Variants in ATP10D observed in about 807,000 individuals in gnomAD.
ATP10D encodes phospholipid-transporting ATPase VD.
In ATP10D, 89 loss-of-function variants were observed where a neutral mutation model predicts 144.8. The ratio of observed to expected loss-of-function variants is 0.61; its 90% CI spans 0.52 to 0.73. The LOEUF is 0.73. Ranked by LOEUF, ATP10D falls within the 30% of genes least tolerant of loss-of-function variation. The probability of loss-of-function intolerance (pLI) is 0.00; values close to 1 mark genes in which losing one functional copy is unlikely to be tolerated. For synonymous variants in ATP10D, 571 were observed against 615.1 expected (o/e 0.93, Z 1.06); for missense variants, 1,603 against 1,714.8 (o/e 0.93, Z 1.15).
intron 13 of ATP10D, 67 bp downstream of exon 13, chr4:47,559,096 C>T (rs1264500502): frequency 5.6e-6 from 7 of 1,260,314 alleles, no homozygotes; most frequent in Non-Finnish European, 8.1e-6. Context: ...TGACTGAAAA[C>T]CAGCGTGTAG....
chr4:47,523,009 C>T lies in ATP10D; in HGVS notation c.486-3C>T. On this transcript the variant is annotated splice_polypyrimidine_tract_variant and splice_region_variant and intron_variant, in intron 3 of 22. Coordinates refer to ENST00000273859, the MANE Select transcript of ATP10D (RefSeq NM_020453.4). ...TTTTTTTTTAACTTTTTTTTAATTA[C>T]AGGAAAGAGAAAAAATACATTGACC... The T allele has an allele frequency of 6.3e-7, 1 of 1,589,304 alleles. No individual in the cohort carries two copies. Among genetic ancestry groups the T allele is most frequent in the Non-Finnish European group, 8.6e-7 (1 of 1,165,232 alleles).
intron 21 of ATP10D, among the ~76,000 whole-genome samples, chr4:47,585,290 A>G (rs184965132): frequency 6.6e-6 from 1 of 151,978 alleles, no homozygotes; most frequent in African/African-American, 2.4e-5. Flanking sequence ...TTTTGCACCA[A>G]CCTCATACAT....
intron 1 of ATP10D, among the ~76,000 whole-genome samples, chr4:47,495,877 A>G (rs1715336563): frequency 6.6e-6 from 1 of 151,940 alleles, no homozygotes; most frequent in Non-Finnish European, 1.5e-5. Context: ...AGCTGGGATT[A>G]CCGGCATGCG....
rs527403658 is a variant in ATP10D at position 47,561,543 on chromosome 4, C to G, written c.2668+468C>G. 3.2e-3 allele frequency among the ~76,000 whole-genome samples: 480 copies of G among 152,252 alleles called. 1 individual carries two copies. Among genetic ancestry groups the G allele is most frequent in the Non-Finnish European group, 5.4e-3 (367 of 68,030 alleles). The stretch of plus-strand genomic sequence containing the variant: ...GTCACATGCCAGTAGCTGACAGTTA[C>G]TCATTAACCAAACATGGAGCTCATG... On this transcript the variant is annotated intron_variant, in intron 14 of 22. Transcript: ENST00000273859.
At chr4:47,549,664 G>T (rs1049257735) in intron 10 of ATP10D, among the ~76,000 whole-genome samples, 1 of 152,222 alleles carries the variant, frequency 6.6e-6, no homozygotes, top group African/African-American at 2.4e-5. Flanking sequence ...TTATAAACCT[G>T]TATTAAAGAT....
rs78242901 is a variant in ATP10D, at chr4:47,587,356, C to T, written c.3941+150C>T. 616 of 721,352 alleles carry T rather than the reference C, an allele frequency of 8.5e-4. 4 individuals are homozygous for T. In the African/African-American group the frequency reaches 9.2e-3, roughly 11 times the overall value. 44.7% of individuals were successfully genotyped at this position (721,352 alleles called of 1,614,324 possible). On this transcript the variant is annotated intron_variant, in intron 22 of 22. Coordinates refer to ENST00000273859, the MANE Select transcript of ATP10D (RefSeq NM_020453.4). ...TCCTAGTTAAAATATTGGTTTTTAA[C>T]TCTTTTATCAGAGAACAAAAGTGGC...
intron 10 of ATP10D, among the ~76,000 whole-genome samples, chr4:47,554,192 T>C (rs1386523184): frequency 2.6e-5 from 4 of 152,216 alleles, no homozygotes; most frequent in African/African-American, 9.6e-5. Context: ...CTTATTAATG[T>C]CTTGTATTAC....
intron 2 of ATP10D, 70 bp from the exon 3 acceptor site, chr4:47,515,406 A>G: frequency 8.1e-7 from 1 of 1,227,502 alleles, no homozygotes; most frequent in Non-Finnish European, 1.2e-6. Flanking sequence ...AAAACAATAT[A>G]GTACTTTGCC....
At position 47,557,923 on chromosome 4, in the gene ATP10D, CA is replaced by C. The variant is rs1719069020; in HGVS notation, c.2085del (p.Glu696ArgfsTer10). 5 of 1,614,194 alleles carry C rather than the reference CA, an allele frequency of 3.1e-6. No homozygotes were observed. The highest frequency in any genetic ancestry group is 3.4e-6 in the Non-Finnish European group (4 of 1,180,030). On this transcript the variant is annotated frameshift_variant, in exon 12 of 23. Coordinates refer to ENST00000273859, the MANE Select transcript of ATP10D (RefSeq NM_020453.4). LOFTEE classifies it high-confidence loss of function. ...CSSSSACCTE[T>X]EKQHGDAGLL... ...AGTAGCTCAGCTTGCTGCACAGAAA[CA>C]GAGAAACAACACGGTGATGCAGGCC...
rs141828352 is a variant in ATP10D at position 47,523,925 on chromosome 4, TTTG to T, written c.690+724_690+726del. 3.4e-3 allele frequency among the ~76,000 whole-genome samples: 518 copies of T among 152,264 alleles called. 25 individuals carry two copies. The East Asian group carries it at 0.088, about 26-fold the overall frequency. On this transcript the variant is annotated intron_variant, in intron 4 of 22. Transcript: ENST00000273859. The stretch of plus-strand genomic sequence containing the variant: ...TGAAGTATTTTACAATTTAATGATT[TTTG>T]TTGTTGTTGTTGTTTTGAGACAGAG...
chr4:47,530,446 T>TTTTG (rs143705446), intron 5 of ATP10D, among the ~76,000 whole-genome samples: 94 of 151,312 alleles, frequency 6.2e-4, no homozygotes, highest in African/African-American at 1.4e-3. Flanking sequence ...TTGTTGTTCT[T>TTTTG]TTTGTTTGTT....
At chr4:47,496,657 A>G (rs1269420345) in intron 1 of ATP10D, among the ~76,000 whole-genome samples, 4 of 152,168 alleles carry the variant, frequency 2.6e-5, no homozygotes, top group Non-Finnish European at 4.4e-5. Flanking sequence ...TTCAGAGTCA[A>G]AAAAATGCTA....
chr4:47,500,512 CA>C (rs1715626767), intron 1 of ATP10D, among the ~76,000 whole-genome samples: 1 of 152,164 alleles, frequency 6.6e-6, no homozygotes, highest in Admixed American at 6.5e-5. Flanking sequence ...AGGGAAGAGT[CA>C]ACAGAATTTG....
chr4:47,570,063 T>C (rs1298474875), intron 16 of ATP10D, among the ~76,000 whole-genome samples: 1 of 152,210 alleles, frequency 6.6e-6, no homozygotes, highest in Non-Finnish European at 1.5e-5. Flanking sequence ...GGACATGATT[T>C]GCCTTAAATT....
intron 15 of ATP10D, among the ~76,000 whole-genome samples, chr4:47,565,039 A>G (rs1469497921): frequency 1.3e-5 from 2 of 152,210 alleles, no homozygotes; most frequent in Non-Finnish European, 2.9e-5. Flanking sequence ...GCTCACTGCA[A>G]GCTCCGCCTC....
chr4:47,565,889 G>A (rs1719613982), intron 15 of ATP10D, among the ~76,000 whole-genome samples: 1 of 151,894 alleles, frequency 6.6e-6, no homozygotes, highest in Non-Finnish European at 1.5e-5. Flanking sequence ...TTTTGCTATC[G>A]ATAGCTATTC....
intron 1 of ATP10D, among the ~76,000 whole-genome samples, chr4:47,509,808 A>T (rs562966591): frequency 6.6e-6 from 1 of 152,282 alleles, no homozygotes; most frequent in South Asian, 2.1e-4. Flanking sequence ...CAACATGTAC[A>T]CTAACATTAG....
intron 1 of ATP10D, among the ~76,000 whole-genome samples, chr4:47,495,977 T>C (rs184023487): frequency 1.3e-5 from 2 of 151,968 alleles, no homozygotes; most frequent in Admixed American, 6.5e-5. Flanking sequence ...CCTGAGGTGA[T>C]CTGCCCACCT....
At chr4:47,498,904 A>G (rs1210168264) in intron 1 of ATP10D, among the ~76,000 whole-genome samples, 1 of 152,210 alleles carries the variant, frequency 6.6e-6, no homozygotes, top group African/African-American at 2.4e-5. Context: ...ACAACTTATC[A>G]CATGAAGCTG....
Sources: gnomAD v4.1 joint callset for allele counts (sites outside exome capture counted in the v4.1 genomes callset) on GRCh38, gnomAD v4.1.1 for gene constraint, MANE v1.5 for transcripts, NCBI Gene and HGNC (gene_info 2026-07-23, HGNC 2026-07-21) for gene names.